Variants in MIDN observed in about 807,000 individuals in gnomAD.
MIDN encodes the protein midnolin, also known as midbrain nucleolar protein.
A neutral mutation model predicts 46.1 loss-of-function variants in MIDN; 26 were observed. That is an observed-to-expected ratio of 0.56 (90% CI 0.41 to 0.78). The LOEUF (loss-of-function observed/expected upper bound fraction) is 0.78, where lower values mean the gene tolerates loss of function less well. Among genes scored for constraint, MIDN ranks in the 30% least tolerant of loss-of-function variants. The pLI is 0.00. For missense variants in MIDN, 850 were observed against 771.8 expected (o/e 1.10, Z -1.20); for synonymous variants, 432 against 343.3 (o/e 1.26, Z -2.86).
chr19:1,252,752 C>T (rs1040291513), intron 4 of MIDN, among the ~76,000 whole-genome samples: 6 of 152,102 alleles, frequency 3.9e-5, no homozygotes, highest in Non-Finnish European at 5.9e-5. Flanking sequence ...CACCCCCTTC[C>T]GCTTTCCCAG....
Position 1,251,914 on chromosome 19 carries a change from C to G in MIDN, c.384+13C>G, listed in dbSNP as rs759509818. ...CACGGAGACGCAGGTAAGACCTCGC[C>G]AGCCCCTTCCTAACAGGGCAGCCCT... is the stretch of plus-strand genomic sequence containing the variant. On this transcript the variant is annotated intron_variant, in intron 4 of 8. Coordinates refer to ENST00000682408, the MANE Select transcript of MIDN (RefSeq NM_001388306.1). 2.4e-5 allele frequency: 39 copies of G among 1,611,204 alleles called. No homozygotes were observed. Among genetic ancestry groups the G allele is most frequent in the South Asian group, 4.4e-5 (4 of 90,940 alleles).
In MIDN at chr19:1,257,035, C is replaced by T. The variant is rs1224288131; in HGVS notation, c.1299C>T (p.Cys433=). 2 of 1,612,124 alleles carry T rather than the reference C, an allele frequency of 1.2e-6. No individual in the cohort carries two copies. The highest frequency in any genetic ancestry group is 1.7e-6 in the Non-Finnish European group (2 of 1,179,938). Residue 433 remains cysteine (C), a synonymous_variant, in exon 9 of 9, where the codon TGC becomes TGT. Coordinates refer to ENST00000682408, the MANE Select transcript of MIDN (RefSeq NM_001388306.1). ...AGACAGAAAACCGCGCCACGCGCTG[C>T]AAGGTGGAACGGCTGCAGCTGCTTC... ...LRQTENRATR[C]KVERLQLLLQ...
In MIDN at chr19:1,251,559, C is replaced by A; in HGVS notation, c.234-3C>A. On this transcript the variant is annotated splice_polypyrimidine_tract_variant and splice_region_variant and intron_variant, in intron 2 of 8. Transcript: ENST00000682408. ...GTCTCATGCTCTTCCTTCCTCCCCC[C>A]AGCCGGCTCAGTTCGGGGAAGCTGC... 1.2e-6 allele frequency: 2 copies of A among 1,607,474 alleles called. No individual in the cohort carries two copies. Among genetic ancestry groups the A allele is most frequent in the South Asian group, 2.2e-5 (2 of 90,440 alleles).
Position 1,255,512 on chromosome 19 carries a change from C to A in MIDN, c.1076C>A (p.Ala359Asp). 6.2e-7 allele frequency: 1 copy of A among 1,611,864 alleles called. No individual in the cohort carries two copies. Among genetic ancestry groups the A allele is most frequent in the Non-Finnish European group, 8.5e-7 (1 of 1,179,528 alleles). Residue 359 changes from alanine to aspartate, a missense_variant, in exon 8 of 9, where the codon GCC becomes GAC. Coordinates refer to ENST00000682408, the MANE Select transcript of MIDN (RefSeq NM_001388306.1). ...CAGATCCTGAACGACCTCCTGAGCG[C>A]CACCCGGCACTACCAGGGCATGCCC... ...ILQILNDLLS[A>D]TRHYQGMPPS...
rs375835337 is a variant in MIDN at position 1,251,866 on chromosome 19, G to T, written c.349G>T (p.Val117Leu). ...MSQASRPEQS[V>L]MQALESLTET... The stretch of plus-strand genomic sequence containing the variant: ...TCAGGCCTCAAGGCCGGAACAGTCC[G>T]TGATGCAAGCTCTCGAGAGTCTCAC... Residue 117 changes from valine (V) to leucine (L), a missense_variant, in exon 4 of 9, where the codon GTG (valine) becomes TTG (leucine). Transcript: ENST00000682408. 1.3e-5 allele frequency: 21 copies of T among 1,613,390 alleles called. No individual in the cohort carries two copies. Among genetic ancestry groups the T allele is most frequent in the Non-Finnish European group, 1.8e-5 (21 of 1,179,816 alleles).
intron 1 of MIDN, 120 bp from the exon 2 acceptor site, chr19:1,249,770 G>C (rs1055146177): frequency 6.6e-6 from 1 of 150,836 alleles, no homozygotes; most frequent in Non-Finnish European, 1.5e-5. Flanking sequence ...GGCGCTCGGC[G>C]CGCGGCGATT....
rs758934723 is a variant in MIDN at position 1,251,881 on chromosome 19, G to C, written c.364G>C (p.Glu122Gln). 2.5e-6 allele frequency: 4 copies of C among 1,613,398 alleles called. No homozygotes were observed. The highest frequency in any genetic ancestry group is 1.3e-5 in the African/African-American group (1 of 75,050). The change falls in exon 4 of 9, where the codon GAG becomes CAG. Residue 122 changes from glutamate (E) to glutamine (Q), a missense_variant. Glu to Gln is a conservative substitution (Grantham distance 29). Transcript: ENST00000682408. ...RPEQSVMQAL[E>Q]SLTETQPPAA... ...GGAACAGTCCGTGATGCAAGCTCTC[G>C]AGAGTCTCACGGAGACGCAGGTAAG...
intron 2 of MIDN, among the ~76,000 whole-genome samples, chr19:1,250,815 G>A (rs1027644191): frequency 6.6e-6 from 1 of 151,878 alleles, no homozygotes; most frequent in Non-Finnish European, 1.5e-5. Flanking sequence ...CTGCGGGTGT[G>A]GGGGCCGCCA....
intron 3 of MIDN, 35 bp from the exon 4 acceptor site, chr19:1,251,804 C>T (rs372770763): frequency 5.9e-5 from 94 of 1,604,086 alleles, no homozygotes; most frequent in Admixed American, 3.3e-4. Flanking sequence ...GATTCCGACC[C>T]CACACTCAGG....
At chr19:1,253,042 G>GC (rs2081151582) in intron 4 of MIDN, among the ~76,000 whole-genome samples, 1 of 124,356 alleles carries the variant, frequency 8.0e-6, no homozygotes, top group African/African-American at 3.2e-5. Flanking sequence ...GTTGGGGGGG[G>GC]CTGGAGGGGG....
Position 1,252,224 on chromosome 19 carries a change from C to T in MIDN, c.384+323C>T, listed in dbSNP as rs371207862. On this transcript the variant is annotated intron_variant, in intron 4 of 8. Transcript: ENST00000682408. Reference sequence around the variant, plus strand: ...TGGCCTGCATCCCCAGCCCCCTCCGCCCCCACCGAGGAGCCCCCCTCCAGC... The same window carrying T: ...TGGCCTGCATCCCCAGCCCCCTCCGTCCCCACCGAGGAGCCCCCCTCCAGC... 1.9e-4 allele frequency among the ~76,000 whole-genome samples: 29 copies of T among 152,342 alleles called. 1 individual carries two copies. In the South Asian group the frequency reaches 2.3e-3, roughly 12 times the overall value.
At chr19:1,254,741 C>T (rs1016161479) in intron 6 of MIDN, among the ~76,000 whole-genome samples, 161 bp from the exon 7 acceptor site, 12 of 151,954 alleles carry the variant, frequency 7.9e-5, no homozygotes, top group African/African-American at 2.9e-4. Context: ...TCTCTGTGTC[C>T]TGGGTTGGTT....
intron 4 of MIDN, among the ~76,000 whole-genome samples, chr19:1,253,154 G>A (rs894046507): frequency 6.6e-6 from 1 of 152,018 alleles, no homozygotes; most frequent in Non-Finnish European, 1.5e-5. Context: ...CAGGGCGGGT[G>A]GTGGTGGGGA....
chr19:1,257,355 C>T lies in MIDN; in HGVS notation c.*83C>T. ...CGAGAGCCCCGGAGAGAACGTGGCC[C>T]AGCCCTGGAGGGCAGGCGGCCACTC... On this transcript the variant is annotated 3_prime_UTR_variant, in exon 9 of 9. Transcript: ENST00000682408. 8.1e-7 allele frequency: 1 copy of T among 1,236,664 alleles called. No homozygotes were observed. The highest frequency in any genetic ancestry group is 1.2e-6 in the Non-Finnish European group (1 of 862,064). The allele number at this position is 1,236,664 out of a possible 1,614,324, so 76.6% of individuals were successfully genotyped here. A position where few individuals can be genotyped will look rare whatever the true frequency, so the allele number is the denominator to read the frequency against.
intron 2 of MIDN, 73 bp from the exon 3 acceptor site, chr19:1,251,489 T>A (rs1183952944): frequency 7.3e-7 from 1 of 1,366,752 alleles, no homozygotes; most frequent in Non-Finnish European, 1.0e-6. Context: ...AGCACAGCCC[T>A]CCCCCGCGGC....
rs991778741 is a variant in MIDN at position 1,257,639 on chromosome 19, C to T, written c.*367C>T. The T allele has an allele frequency of 3.9e-5, 9 of 231,312 alleles. No homozygotes were observed. The highest frequency in any genetic ancestry group is 1.6e-4 in the South Asian group (2 of 12,736). 14.3% of individuals were successfully genotyped at this position (231,312 alleles called of 1,614,324 possible). On this transcript the variant is annotated 3_prime_UTR_variant, in exon 9 of 9. Transcript: ENST00000682408. ...TCTGGATGGCGGAGAGTGAAGGAGA[C>T]GGAGAAACGCGCCCCATCCCTTCCG...
intron 4 of MIDN, among the ~76,000 whole-genome samples, chr19:1,253,396 A>C (rs976804212): frequency 6.7e-6 from 1 of 149,268 alleles, no homozygotes; most frequent in South Asian, 2.1e-4. Flanking sequence ...ATCCCAGCCT[A>C]TGTCACTTCT....
Position 1,257,264 on chromosome 19 carries a change from G to C in MIDN, c.1528G>C (p.Val510Leu). 1 of 1,611,958 alleles carries C rather than the reference G, an allele frequency of 6.2e-7. No individual in the cohort carries two copies. Among genetic ancestry groups the C allele is most frequent in the Non-Finnish European group, 8.5e-7 (1 of 1,179,604 alleles). ...VNPDIKSEFV[V>L]A ...CCCTGACATCAAGTCAGAGTTCGTGGTGGCTTAGGATCTTCGGATCGGCCA... is the reference window on the plus strand; with the variant it reads ...CCCTGACATCAAGTCAGAGTTCGTGCTGGCTTAGGATCTTCGGATCGGCCA... The change falls in exon 9 of 9, where the codon GTG (valine) becomes CTG (leucine). Residue 510 changes from valine (V) to leucine (L), a missense_variant. Val to Leu is a conservative substitution (Grantham distance 32). Transcript: ENST00000682408.
intron 8 of MIDN, among the ~76,000 whole-genome samples, chr19:1,256,533 T>C (rs1413121483): frequency 6.8e-6 from 1 of 148,028 alleles, no homozygotes; most frequent in African/African-American, 2.5e-5. Flanking sequence ...TCCCCTCGGA[T>C]CACAGAAGCG....
Sources: gnomAD v4.1 joint callset for allele counts (sites outside exome capture counted in the v4.1 genomes callset) on GRCh38, gnomAD v4.1.1 for gene constraint, MANE v1.5 for transcripts, NCBI Gene and HGNC (gene_info 2026-07-23, HGNC 2026-07-21) for gene names.